Variants in ZNF599 observed in about 807,000 individuals in gnomAD.
ZNF599 encodes zinc finger protein 599.
ZNF599 carries 10 observed loss-of-function variants against 11.7 expected under a neutral mutation model. The observed-to-expected ratio is 0.86, with a 90% CI of 0.53 to 1.45. The LOEUF (loss-of-function observed/expected upper bound fraction) is 1.45, where lower values mean the gene tolerates loss of function less well. ZNF599 is among the 40% of genes most tolerant of loss of function. The pLI is 0.00. For missense variants in ZNF599, 688 were observed against 713.6 expected, an observed-to-expected ratio of 0.96 and a Z score of 0.41; for synonymous variants, 232 against 253.2, an observed-to-expected ratio of 0.92 and a Z score of 0.79.
chr19:34,794,576 C>CTT, the ZNF599 span, among the ~76,000 whole-genome samples: 10 of 142,554 alleles, frequency 7.0e-5, no homozygotes, highest in African/African-American at 2.6e-4. Flanking sequence ...CTTTTTTTTT[C>CTT]TTTTTTTTTT....
the ZNF599 span, among the ~76,000 whole-genome samples, chr19:34,787,158 T>C: frequency 2.6e-5 from 4 of 152,126 alleles, no homozygotes; most frequent in African/African-American, 4.8e-5. Flanking sequence ...TGGGAAGTAA[T>C]AGAGCTTTGC....
chr19:34,792,349 T>C, the ZNF599 span, among the ~76,000 whole-genome samples: 1 of 152,184 alleles, frequency 6.6e-6, no homozygotes, highest in African/African-American at 2.4e-5. Context: ...GGATGAAGCA[T>C]GGACATGAGC....
chr19:34,777,074 C>G (rs1188912838), upstream of ZNF599, among the ~76,000 whole-genome samples: 1 of 151,152 alleles, frequency 6.6e-6, no homozygotes, highest in Non-Finnish European at 1.5e-5. Context: ...TCTGACCATG[C>G]CTCTGGAGTT....
chr19:34,779,243 CTTTTT>C, the ZNF599 span, among the ~76,000 whole-genome samples: 4 of 57,318 alleles, frequency 7.0e-5, no homozygotes, highest in Admixed American at 2.5e-4. Context: ...CCATGCCCAG[CTTTTT>C]TTTTTTTTTT....
chr19:34,806,398 T>C, the ZNF599 span, among the ~76,000 whole-genome samples: 1 of 107,464 alleles, frequency 9.3e-6, no homozygotes, highest in Non-Finnish European at 2.0e-5. Context: ...TGGGAAACTT[T>C]AAAACCTTAA....
upstream of ZNF599, among the ~76,000 whole-genome samples, chr19:34,773,391 A>C (rs1206201343): frequency 6.6e-6 from 1 of 151,506 alleles, no homozygotes; most frequent in Non-Finnish European, 1.5e-5. Context: ...GCTCCCAAGA[A>C]AGGGATTGGC....
chr19:34,801,976 T>C, the ZNF599 span, among the ~76,000 whole-genome samples: 32 of 152,326 alleles, frequency 2.1e-4, no homozygotes, highest in African/African-American at 6.5e-4. Flanking sequence ...AAGACATACA[T>C]ATCACAGGGG....
At chr19:34,774,845 T>C (rs991304817), upstream of ZNF599, among the ~76,000 whole-genome samples, 4 of 152,150 alleles carry the variant, frequency 2.6e-5, no homozygotes, top group Non-Finnish European at 5.9e-5. Context: ...TGGGTGGGGA[T>C]GCAGCCAAAC....
chr19:34,780,400 T>G, the ZNF599 span, among the ~76,000 whole-genome samples: 1 of 152,002 alleles, frequency 6.6e-6, no homozygotes, highest in Non-Finnish European at 1.5e-5. Flanking sequence ...TCCCAGCTAC[T>G]TGGGAGGCTG....
chr19:34,799,865 A>G, the ZNF599 span, among the ~76,000 whole-genome samples: 1 of 152,246 alleles, frequency 6.6e-6, no homozygotes, highest in Non-Finnish European at 1.5e-5. Flanking sequence ...GACACAATTC[A>G]GTTGGTAACA....
chr19:34,758,902 TA>T lies in ZNF599; in HGVS notation c.*131del. On this transcript the variant is annotated 3_prime_UTR_variant, in exon 4 of 4. Transcript: ENST00000329285. ...GGGACAATTCTGTTTCTAGTTAGTA[TA>T]AATTATCAGATACTAAGACATCTCT... 1.2e-6 allele frequency: 1 copy of T among 846,248 alleles called. No homozygotes were observed. Among genetic ancestry groups the T allele is most frequent in the Non-Finnish European group, 1.8e-6 (1 of 547,142 alleles). The allele number at this position is 846,248 out of a possible 1,614,324, so 52.4% of individuals were successfully genotyped here.
At chr19:34,804,291 T>A in the ZNF599 span, among the ~76,000 whole-genome samples, 1 of 152,234 alleles carries the variant, frequency 6.6e-6, no homozygotes, top group Non-Finnish European at 1.5e-5. Context: ...TATGCTTCTG[T>A]ATCCACATGA....
At chr19:34,773,221 C>T (rs1452853662), upstream of ZNF599, 1 of 246,536 alleles carries the variant, frequency 4.1e-6, no homozygotes, top group East Asian at 7.5e-5. Context: ...CGCCGGAAGT[C>T]CCGCCCACGC....
At chr19:34,779,509 A>T in the ZNF599 span, 5 of 456,700 alleles carry the variant, frequency 1.1e-5, 1 homozygote, top group South Asian at 3.1e-5. Flanking sequence ...TGCTGTACTC[A>T]TAAGGTTTTT....
chr19:34,796,703 C>A, the ZNF599 span, among the ~76,000 whole-genome samples: 1 of 152,120 alleles, frequency 6.6e-6, no homozygotes, highest in East Asian at 1.9e-4. Flanking sequence ...TTTCCATATT[C>A]TTGGAGAGCT....
the ZNF599 span, among the ~76,000 whole-genome samples, chr19:34,799,393 T>C: frequency 2.0e-5 from 3 of 152,150 alleles, no homozygotes; most frequent in Admixed American, 2.0e-4. Context: ...TGATAGCCCA[T>C]TTGGTTTTAT....
At chr19:34,777,353 T>TA (rs1453727484), upstream of ZNF599, among the ~76,000 whole-genome samples, 22 of 92,422 alleles carry the variant, frequency 2.4e-4, no homozygotes, top group African/African-American at 9.3e-4. Context: ...TATTATATAT[T>TA]ATATATTAAT....
chr19:34,801,311 T>C, the ZNF599 span, among the ~76,000 whole-genome samples: 1 of 152,274 alleles, frequency 6.6e-6, no homozygotes, highest in Non-Finnish European at 1.5e-5. Flanking sequence ...TTTTCCATTT[T>C]TGCTGCATTA....
At chr19:34,786,292 C>T in the ZNF599 span, among the ~76,000 whole-genome samples, 4 of 152,054 alleles carry the variant, frequency 2.6e-5, no homozygotes, top group Non-Finnish European at 5.9e-5. Context: ...ATTTATTGAC[C>T]CCTCCACACC....
Sources: allele counts gnomAD v4.1 joint callset (sites outside exome capture counted in the v4.1 genomes callset), GRCh38; gene constraint gnomAD v4.1.1; transcripts MANE v1.5; gene names NCBI Gene and HGNC (gene_info 2026-07-23, HGNC 2026-07-21).